Variants in EFCAB6 observed in about 807,000 individuals in gnomAD.
EFCAB6 encodes EF-hand calcium binding domain 6.
A neutral mutation model predicts 169.8 loss-of-function variants in EFCAB6; 156 were observed. That is an observed-to-expected ratio of 0.92 (90% confidence interval 0.81 to 1.05). EFCAB6 has a LOEUF of 1.05. Ranked by LOEUF, EFCAB6 falls within the 50% of genes least tolerant of loss-of-function variation. The pLI is 0.00. For synonymous variants in EFCAB6, 698 were observed against 676.4 expected (o/e 1.03, Z -0.50); for missense variants, 1,800 against 1,829.1 (o/e 0.98, Z 0.29).
chr22:43,735,923 C>A lies in EFCAB6; in HGVS notation c.578G>T (p.Arg193Leu). Residue 193 changes from arginine to leucine, a missense_variant, in exon 7 of 32, where the codon CGA becomes CTA. Transcript: ENST00000262726. ...LIDVNKTGLV[R>L]PQELRRVLET... is the part of the protein sequence containing the mutation. ...CAGAACCCTTCTTAGCTCCTGCGGT[C>A]GAACCAGTCCAGTCTTGTTAACATC... The A allele has an allele frequency of 6.2e-7, 1 of 1,614,130 alleles. No homozygotes were observed. The highest frequency in any genetic ancestry group is 8.5e-7 in the Non-Finnish European group (1 of 1,180,030).
intron 2 of EFCAB6, among the ~76,000 whole-genome samples, chr22:43,791,421 G>A (rs2062283148): frequency 6.6e-6 from 1 of 151,830 alleles, no homozygotes; most frequent in Admixed American, 6.6e-5. Context: ...GTATATAAAG[G>A]CATGATATGA....
At chr22:43,793,938 CA>C (rs1216800420) in intron 2 of EFCAB6, among the ~76,000 whole-genome samples, 3 of 151,982 alleles carry the variant, frequency 2.0e-5, no homozygotes, top group African/African-American at 4.8e-5. Flanking sequence ...AATGGATTTT[CA>C]AAGGGCCGTG....
intron 5 of EFCAB6, among the ~76,000 whole-genome samples, chr22:43,758,099 GTTTAT>G (rs963910076): frequency 1.7e-4 from 24 of 143,910 alleles, no homozygotes; most frequent in Admixed American, 1.7e-3. Flanking sequence ...ACTTTCTTTT[GTTTAT>G]TTTTTCTATT....
intron 26 of EFCAB6, among the ~76,000 whole-genome samples, chr22:43,563,422 G>T (rs960621382): frequency 6.6e-6 from 1 of 152,032 alleles, no homozygotes; most frequent in African/African-American, 2.4e-5. Context: ...ACAAAAATTA[G>T]CTGGGCAAGG....
intron 10 of EFCAB6, among the ~76,000 whole-genome samples, chr22:43,690,717 C>T (rs970474181): frequency 6.6e-6 from 1 of 151,672 alleles, no homozygotes; most frequent in Non-Finnish European, 1.5e-5. Flanking sequence ...TTGGTCTCTC[C>T]GTTCTTCCAA....
chr22:43,797,932 T>A (rs1001331461), intron 2 of EFCAB6, among the ~76,000 whole-genome samples: 7 of 152,180 alleles, frequency 4.6e-5, no homozygotes, highest in Non-Finnish European at 8.8e-5. Context: ...GACCACCTAT[T>A]CCTCGCCCCT....
chr22:43,762,268 G>C (rs140959209), intron 5 of EFCAB6, among the ~76,000 whole-genome samples: 41 of 152,228 alleles, frequency 2.7e-4, no homozygotes, highest in Middle Eastern at 6.8e-3. Flanking sequence ...AGGATGTAGG[G>C]TCCCAACTTT....
chr22:43,585,182 A>T (rs1000645216), intron 24 of EFCAB6, among the ~76,000 whole-genome samples: 1 of 152,124 alleles, frequency 6.6e-6, no homozygotes, highest in African/African-American at 2.4e-5. Flanking sequence ...TAAAATAACT[A>T]TGGTTAATAT....
At chr22:43,712,116 T>A (rs1012680243) in intron 9 of EFCAB6, among the ~76,000 whole-genome samples, 1 of 152,136 alleles carries the variant, frequency 6.6e-6, no homozygotes, top group Non-Finnish European at 1.5e-5. Flanking sequence ...TCTTTAATCA[T>A]CCTTTTCTTT....
chr22:43,617,974 C>T (rs1474751702), intron 20 of EFCAB6, among the ~76,000 whole-genome samples: 12 of 151,206 alleles, frequency 7.9e-5, no homozygotes, highest in Admixed American at 2.6e-4. Flanking sequence ...TGGTGGTGCA[C>T]GCCTATAATC....
chr22:43,783,237 T>G (rs930416257), intron 2 of EFCAB6, among the ~76,000 whole-genome samples: 6 of 152,056 alleles, frequency 3.9e-5, no homozygotes, highest in African/African-American at 1.4e-4. Flanking sequence ...CCTGAATAGG[T>G]GGATAACGGG....
At chr22:43,645,971 G>C (rs1364307198) in intron 17 of EFCAB6, among the ~76,000 whole-genome samples, 1 of 152,192 alleles carries the variant, frequency 6.6e-6, no homozygotes, top group Non-Finnish European at 1.5e-5. Flanking sequence ...CATTTTAGAA[G>C]CAAAGATCCA....
chr22:43,651,797 C>G (rs2056482350), intron 17 of EFCAB6, among the ~76,000 whole-genome samples: 1 of 152,220 alleles, frequency 6.6e-6, no homozygotes. Context: ...CAAAGGAGAT[C>G]ATTTTAGAGC....
At chr22:43,540,460 A>G in intron 27 of EFCAB6, 103 bp from the exon 28 acceptor site, 2 of 1,584,510 alleles carry the variant, frequency 1.3e-6, no homozygotes, top group Non-Finnish European at 1.7e-6. Flanking sequence ...GCAGGAGGTG[A>G]GCACTCACGT....
chr22:43,660,897 T>C (rs1243095525), intron 17 of EFCAB6, among the ~76,000 whole-genome samples: 1 of 152,150 alleles, frequency 6.6e-6, no homozygotes, highest in Non-Finnish European at 1.5e-5. Context: ...GAGACAAAAA[T>C]AACCACCTCT....
intron 30 of EFCAB6, among the ~76,000 whole-genome samples, chr22:43,534,386 C>G (rs2047264480): frequency 6.6e-6 from 1 of 152,212 alleles, no homozygotes; most frequent in African/African-American, 2.4e-5. Context: ...AATTGAACCT[C>G]TTTCTTTTAT....
At chr22:43,612,459 A>G (rs979651552) in intron 21 of EFCAB6, among the ~76,000 whole-genome samples, 8 of 152,224 alleles carry the variant, frequency 5.3e-5, no homozygotes, top group Non-Finnish European at 1.0e-4. Flanking sequence ...AAGTGGGCAA[A>G]GGACATGAAC....
At chr22:43,790,623 C>A (rs1205327084) in intron 2 of EFCAB6, among the ~76,000 whole-genome samples, 1 of 152,154 alleles carries the variant, frequency 6.6e-6, no homozygotes, top group East Asian at 1.9e-4. Flanking sequence ...CCTTGCAGGC[C>A]AGTGTGAGGC....
At chr22:43,775,891 C>T (rs1281695824) in intron 3 of EFCAB6, among the ~76,000 whole-genome samples, 4 of 152,238 alleles carry the variant, frequency 2.6e-5, no homozygotes, top group Non-Finnish European at 4.4e-5. Flanking sequence ...GCTAGCCATT[C>T]GAGGACTCTG....
Sources: gnomAD v4.1 joint callset for allele counts (sites outside exome capture counted in the v4.1 genomes callset) on GRCh38, gnomAD v4.1.1 for gene constraint, MANE v1.5 for transcripts, NCBI Gene and HGNC (gene_info 2026-07-23, HGNC 2026-07-21) for gene names.